Variants in ARID1B observed in about 807,000 individuals in gnomAD.
ARID1B encodes the protein AT-rich interaction domain 1B.
In ARID1B, 30 loss-of-function variants were observed where a neutral mutation model predicts 212.3. The observed-to-expected ratio is 0.14, with a 90% CI of 0.11 to 0.19. The LOEUF (loss-of-function observed/expected upper bound fraction) is 0.19, where lower values mean the gene tolerates loss of function less well. ARID1B is among the 10% of genes least tolerant of loss of function. The probability of loss-of-function intolerance (pLI) is 1.00; values close to 1 mark genes in which losing one functional copy is unlikely to be tolerated. For missense variants in ARID1B, 2,891 were observed against 3,204.0 expected (o/e 0.90, Z 2.36); for synonymous variants, 1,402 against 1,301.7 (o/e 1.08, Z -1.66).
At chr6:156,840,926 G>A (rs1225856121) in intron 2 of ARID1B, among the ~76,000 whole-genome samples, 1 of 152,206 alleles carries the variant, frequency 6.6e-6, no homozygotes, top group Non-Finnish European at 1.5e-5. Context: ...TCTGGAGAAG[G>A]TTGAGTTGGA....
intron 3 of ARID1B, among the ~76,000 whole-genome samples, chr6:156,930,085 T>C (rs1200815199): frequency 3.3e-5 from 5 of 152,196 alleles, no homozygotes; most frequent in Non-Finnish European, 7.3e-5. Flanking sequence ...CCAGTATATA[T>C]TAACATTTCA....
intron 1 of ARID1B, among the ~76,000 whole-genome samples, chr6:156,795,402 G>C (rs937013632): frequency 3.3e-5 from 5 of 152,176 alleles, no homozygotes; most frequent in African/African-American, 1.2e-4. Flanking sequence ...GATAATTTTA[G>C]AGTAAGAAAC....
intron 4 of ARID1B, among the ~76,000 whole-genome samples, chr6:157,066,623 G>T (rs796321443): frequency 2.8e-4 from 42 of 152,092 alleles, no homozygotes; most frequent in African/African-American, 9.7e-4. Flanking sequence ...CCAAAGAATA[G>T]AATCATTTAG....
At position 156,779,483 on chromosome 6, in the gene ARID1B, G is replaced by T; in HGVS notation, c.1791+12G>T. On this transcript the variant is annotated intron_variant, in intron 1 of 19. Transcript: ENST00000636930. Reference sequence around the variant, plus strand: ...TGGGCAGATCCCAGGTAACCCTCGCGCCAGCCGGGCCTGCTTCCGCCCGGC... The same window carrying T: ...TGGGCAGATCCCAGGTAACCCTCGCTCCAGCCGGGCCTGCTTCCGCCCGGC... 1 of 1,352,494 alleles carries T rather than the reference G, an allele frequency of 7.4e-7. No homozygotes were observed. Among genetic ancestry groups the T allele is most frequent in the Non-Finnish European group, 9.5e-7 (1 of 1,048,886 alleles). The allele number at this position is 1,352,494 out of a possible 1,614,324, so 83.8% of individuals were successfully genotyped here.
Position 157,084,742 on chromosome 6 carries a change from G to A in ARID1B, c.2328G>A (p.Thr776=), listed in dbSNP as rs370910542. 34 of 1,613,992 alleles carry A rather than the reference G, an allele frequency of 2.1e-5. No individual in the cohort carries two copies. The highest frequency in any genetic ancestry group is 8.0e-5 in the African/African-American group (6 of 74,892). The change falls in exon 5 of 20, where the codon ACG becomes ACA. Residue 776 remains threonine, a synonymous_variant. Transcript: ENST00000636930. ...CAGCAGTCAGTGCATCCGGGTCCAC[G>A]AGCAGCCAAGGGGATCAGAGCAACC... The part of the protein sequence containing the change: ...LSSAVSASGS[T]SSQGDQSNPA...
intron 4 of ARID1B, among the ~76,000 whole-genome samples, chr6:156,946,131 C>A (rs1793114406): frequency 6.6e-6 from 1 of 150,576 alleles, no homozygotes; most frequent in Non-Finnish European, 1.5e-5. Context: ...CCAAGGCGGG[C>A]AGACCACTTG....
In ARID1B at chr6:156,953,418, G is replaced by A. The variant is rs140146356; in HGVS notation, c.2247+17842G>A. 5.6e-3 allele frequency among the ~76,000 whole-genome samples: 852 copies of A among 152,344 alleles called. 7 individuals carry two copies. Among genetic ancestry groups the A allele is most frequent in the Middle Eastern group, 0.02 (6 of 294 alleles). On this transcript the variant is annotated intron_variant, in intron 4 of 19. Coordinates refer to ENST00000636930, the MANE Select transcript of ARID1B (RefSeq NM_001374828.1). Reference sequence around the variant, plus strand: ...GTCTGCAGTCACTCTTAATTTGAATGAGAAAGAAGATGGTAGAAACTATTT... The same window carrying A: ...GTCTGCAGTCACTCTTAATTTGAATAAGAAAGAAGATGGTAGAAACTATTT...
rs1448362321 is a variant in ARID1B at position 156,861,575 on chromosome 6, C to G, written c.1986+32154C>G. The stretch of plus-strand genomic sequence containing the variant: ...GCAGTGAGCTGTGATTGTACTACTG[C>G]ACTCAAGCCTGGGTTTCAGAGTGAG... On this transcript the variant is annotated intron_variant, in intron 2 of 19. Transcript: ENST00000636930. 2.6e-5 allele frequency among the ~76,000 whole-genome samples: 4 copies of G among 152,046 alleles called. No homozygotes were observed. The East Asian group carries it at 7.7e-4, about 29-fold the overall frequency.
At chr6:157,166,941 C>G in intron 8 of ARID1B, 99 bp from the exon 9 acceptor site, 1 of 1,469,870 alleles carries the variant, frequency 6.8e-7, no homozygotes. Flanking sequence ...GTTATAGCCC[C>G]ACCCCTTACA....
At chr6:157,205,665 A>C (rs138530205) in intron 19 of ARID1B, 4,095 of 155,184 alleles carry the variant, frequency 0.026, 89 homozygotes, top group Admixed American at 0.042. Context: ...AGGGTGACCT[A>C]TGGTACCTGA....
At chr6:156,825,327 C>T (rs1390230327) in intron 1 of ARID1B, among the ~76,000 whole-genome samples, 1 of 152,160 alleles carries the variant, frequency 6.6e-6, no homozygotes, top group Non-Finnish European at 1.5e-5. Context: ...AAATAATTTG[C>T]ACTGTATGAG....
intron 4 of ARID1B, among the ~76,000 whole-genome samples, chr6:157,076,650 T>C (rs966540463): frequency 6.6e-6 from 1 of 151,752 alleles, no homozygotes; most frequent in South Asian, 2.1e-4. Context: ...GAGATGGAAG[T>C]GGTGGTATTG....
chr6:157,089,324 T>A (rs1229864792), intron 5 of ARID1B, among the ~76,000 whole-genome samples: 2 of 152,216 alleles, frequency 1.3e-5, no homozygotes, highest in Non-Finnish European at 2.9e-5. Flanking sequence ...GTTTCTTGCC[T>A]GTTAAACTGT....
chr6:156,835,682 A>C (rs189401486), intron 2 of ARID1B, among the ~76,000 whole-genome samples: 1 of 152,204 alleles, frequency 6.6e-6, no homozygotes, highest in South Asian at 2.1e-4. Flanking sequence ...ATAGACTTTC[A>C]ACCTAAAATA....
chr6:156,899,815 A>G (rs568916920), intron 2 of ARID1B, among the ~76,000 whole-genome samples: 5 of 152,306 alleles, frequency 3.3e-5, no homozygotes, highest in African/African-American at 7.2e-5. Flanking sequence ...TTAAAGCGCA[A>G]TTCATAGGGG....
At chr6:156,913,218 T>C (rs1411972849) in intron 3 of ARID1B, among the ~76,000 whole-genome samples, 2 of 31,294 alleles carry the variant, frequency 6.4e-5, no homozygotes, top group East Asian at 5.5e-4. Flanking sequence ...TTTCTTTTTC[T>C]TTTTTTTTTT....
intron 11 of ARID1B, among the ~76,000 whole-genome samples, chr6:157,176,871 C>G (rs981148814): frequency 2.6e-5 from 4 of 152,132 alleles, no homozygotes; most frequent in African/African-American, 9.7e-5. Flanking sequence ...AGAATGAGCA[C>G]TTATTAAAAA....
At chr6:157,118,444 C>T (rs750244310) in intron 6 of ARID1B, among the ~76,000 whole-genome samples, 30 of 152,178 alleles carry the variant, frequency 2.0e-4, no homozygotes, top group Non-Finnish European at 2.8e-4. Flanking sequence ...TTATAGATCA[C>T]CCCGGTAGGG....
At chr6:157,132,899 T>G in intron 6 of ARID1B, 129 bp from the exon 7 acceptor site, 1 of 1,042,210 alleles carries the variant, frequency 9.6e-7, no homozygotes, top group Non-Finnish European at 1.3e-6. Flanking sequence ...TCTTTAGCTA[T>G]TTTTTAGGAG....
Sources: allele counts gnomAD v4.1 joint callset (sites outside exome capture counted in the v4.1 genomes callset), GRCh38; gene constraint gnomAD v4.1.1; transcripts MANE v1.5; gene names NCBI Gene and HGNC (gene_info 2026-07-23, HGNC 2026-07-21).